Variants in DGKI observed in about 807,000 individuals in gnomAD.
DGKI encodes the protein diacylglycerol kinase iota.
In DGKI, 55 loss-of-function variants were observed where a neutral mutation model predicts 147.5. The ratio of observed to expected loss-of-function variants is 0.37; its 90% CI spans 0.30 to 0.47. The LOEUF is 0.47. Among genes scored for constraint, DGKI ranks in the 20% least tolerant of loss-of-function variants. The pLI, the probability that DGKI is intolerant of heterozygous loss-of-function variation, is 1.00. For missense variants in DGKI, 1,007 were observed against 1,323.8 expected (o/e 0.76, Z 3.71); for synonymous variants, 469 against 477.1 (o/e 0.98, Z 0.22).
chr7:137,692,341 C>T (rs1823642036), intron 1 of DGKI, among the ~76,000 whole-genome samples: 1 of 152,144 alleles, frequency 6.6e-6, no homozygotes, highest in African/African-American at 2.4e-5. Flanking sequence ...AATTAAGTGT[C>T]CTTACAAAAA....
intron 1 of DGKI, among the ~76,000 whole-genome samples, chr7:137,790,095 A>C (rs190150788): frequency 6.6e-6 from 1 of 152,334 alleles, no homozygotes; most frequent in Admixed American, 6.5e-5. Flanking sequence ...AGCCACAGAT[A>C]ATACATAAAT....
chr7:137,786,213 C>A (rs893450486), intron 1 of DGKI, among the ~76,000 whole-genome samples: 2 of 151,980 alleles, frequency 1.3e-5, no homozygotes, highest in East Asian at 3.9e-4. Flanking sequence ...CATTGTATAC[C>A]TAGAAAACCC....
rs960266572 is a variant in DGKI at position 137,403,850 on chromosome 7, AT to A, written c.2920+4024del. Among the ~76,000 whole-genome samples, 44 of 150,330 alleles carry A rather than the reference AT, an allele frequency of 2.9e-4. No homozygotes were observed. The East Asian group carries it at 3.5e-3, about 12-fold the overall frequency. On this transcript the variant is annotated intron_variant, in intron 30 of 32. Transcript: ENST00000614521. ...GCATAGTGTAAAATTTTTATTTGTTATTTTTTTTTTCATTTACATGAATTCA... is the reference window on the plus strand; with the variant it reads ...GCATAGTGTAAAATTTTTATTTGTTATTTTTTTTTCATTTACATGAATTCA...
chr7:137,624,979 G>A (rs1036644617), intron 6 of DGKI, among the ~76,000 whole-genome samples: 18 of 152,134 alleles, frequency 1.2e-4, no homozygotes, highest in African/African-American at 4.3e-4. Flanking sequence ...TATGTGGACA[G>A]ACAACCAGGA....
chr7:137,558,950 T>C (rs1818317967), intron 19 of DGKI, among the ~76,000 whole-genome samples: 2 of 142,986 alleles, frequency 1.4e-5, no homozygotes, highest in African/African-American at 5.3e-5. Context: ...TAAATATTTA[T>C]AGCAAAAATA....
At chr7:137,614,985 C>T (rs1042432715) in intron 8 of DGKI, among the ~76,000 whole-genome samples, 2 of 152,136 alleles carry the variant, frequency 1.3e-5, no homozygotes, top group African/African-American at 2.4e-5. Context: ...TCCTTTAAGG[C>T]CTACCACAAA....
chr7:137,620,107 CACTGAGG>C (rs1197469072), intron 7 of DGKI, among the ~76,000 whole-genome samples, 167 bp from the exon 8 acceptor site: 1 of 152,044 alleles, frequency 6.6e-6, no homozygotes, highest in Non-Finnish European at 1.5e-5. Context: ...CATGGGCACA[CACTGAGG>C]ACTGAGGACA....
At chr7:137,639,373 A>G (rs182132903) in intron 6 of DGKI, among the ~76,000 whole-genome samples, 4 of 152,332 alleles carry the variant, frequency 2.6e-5, no homozygotes, top group Admixed American at 2.6e-4. Flanking sequence ...TTTGTCTCTG[A>G]GGACCATCTG....
chr7:137,560,432 A>G (rs1445910159), intron 19 of DGKI, among the ~76,000 whole-genome samples: 2 of 152,166 alleles, frequency 1.3e-5, no homozygotes, highest in East Asian at 3.8e-4. Flanking sequence ...AAAAAAATAA[A>G]CCTTTAGGTC....
At chr7:137,622,267 A>G (rs1563116829) in intron 7 of DGKI, among the ~76,000 whole-genome samples, 2 of 152,160 alleles carry the variant, frequency 1.3e-5, no homozygotes, top group African/African-American at 2.4e-5. Flanking sequence ...CAAAATGTCC[A>G]TTTCATATGT....
At chr7:137,436,723 A>T (rs1015847415) in intron 28 of DGKI, among the ~76,000 whole-genome samples, 13 of 152,180 alleles carry the variant, frequency 8.5e-5, no homozygotes, top group Non-Finnish European at 1.5e-4. Flanking sequence ...GACTAATCAC[A>T]CTTATGAACA....
intron 17 of DGKI, among the ~76,000 whole-genome samples, chr7:137,575,324 T>G (rs1818934762): frequency 2.0e-5 from 3 of 152,210 alleles, no homozygotes; most frequent in Admixed American, 2.0e-4. Context: ...GCTGCCATTT[T>G]GGCCTCTCTG....
chr7:137,718,531 T>C (rs1174187950), intron 1 of DGKI, among the ~76,000 whole-genome samples: 2 of 152,196 alleles, frequency 1.3e-5, no homozygotes, highest in African/African-American at 4.8e-5. Flanking sequence ...CGCTTTCTCC[T>C]TGGATACGCA....
intron 15 of DGKI, 144 bp from the exon 16 acceptor site, chr7:137,578,469 C>G: frequency 1.5e-6 from 1 of 649,316 alleles, no homozygotes; most frequent in Non-Finnish European, 2.8e-6. Context: ...TCCCCCAGTT[C>G]CAGGCCAGTT....
chr7:137,711,535 A>G (rs1794213500), intron 1 of DGKI, among the ~76,000 whole-genome samples: 1 of 152,268 alleles, frequency 6.6e-6, no homozygotes, highest in Non-Finnish European at 1.5e-5. Flanking sequence ...ATAACATTTT[A>G]AATGCAAATA....
chr7:137,691,798 G>GTTTTTTTTTATTT (rs1823613149), intron 1 of DGKI, among the ~76,000 whole-genome samples: 1 of 95,816 alleles, frequency 1.0e-5, no homozygotes, highest in Non-Finnish European at 2.0e-5. Flanking sequence ...AGACCTTTGG[G>GTTTTTTTTTATTT]TTTTTTTTTT....
intron 3 of DGKI, among the ~76,000 whole-genome samples, chr7:137,672,245 A>T (rs930154919): frequency 5.9e-5 from 9 of 152,230 alleles, no homozygotes; most frequent in African/African-American, 2.2e-4. Flanking sequence ...CTCGACTTAT[A>T]GAATGGCTAC....
At chr7:137,614,171 G>C (rs1283675617) in intron 8 of DGKI, among the ~76,000 whole-genome samples, 2 of 152,122 alleles carry the variant, frequency 1.3e-5, no homozygotes, top group African/African-American at 2.4e-5. Context: ...GCTGTATTAA[G>C]GAAAGAGAAT....
rs527539499 is a variant in DGKI at position 137,774,416 on chromosome 7, C to G, written c.401+72046G>C. On this transcript the variant is annotated intron_variant, in intron 1 of 32. Coordinates refer to ENST00000614521, the MANE Select transcript of DGKI (RefSeq NM_001321708.2). ...CCATGCAATTTCCACTATACCAAAT[C>G]AACTCAGAAGGTTCTTTTTCCCTAC... Among the ~76,000 whole-genome samples the G allele has an allele frequency of 5.3e-5, 8 of 152,198 alleles. No homozygotes were observed. The South Asian group carries it at 1.7e-3, about 32-fold the overall frequency.
Sources: allele counts gnomAD v4.1 joint callset (sites outside exome capture counted in the v4.1 genomes callset), GRCh38; gene constraint gnomAD v4.1.1; transcripts MANE v1.5; gene names NCBI Gene and HGNC (gene_info 2026-07-23, HGNC 2026-07-21).